COL5A2: variants seen among roughly 807,000 people sequenced by gnomAD.
COL5A2 encodes collagen type V alpha 2 chain.
Under a neutral mutation model 208.2 loss-of-function variants are expected in COL5A2, and 23 were observed. That is an observed-to-expected ratio of 0.11 (90% CI 0.08 to 0.16). COL5A2 has a LOEUF of 0.16. COL5A2 is among the 10% of genes least tolerant of loss of function. The pLI is 1.00. For missense variants in COL5A2, 1,590 were observed against 1,956.4 expected, an observed-to-expected ratio of 0.81 and a Z score of 3.53; for synonymous variants, 625 against 628.5, an observed-to-expected ratio of 0.99 and a Z score of 0.08.
intron 1 of COL5A2, among the ~76,000 whole-genome samples, chr2:189,218,876 C>T (rs1320805811): frequency 6.7e-6 from 1 of 150,100 alleles, no homozygotes; most frequent in East Asian, 1.9e-4. Flanking sequence ...TTGTGGAAAG[C>T]AGAAAAAAAA....
chr2:189,402,328 C>T, the COL5A2 span, among the ~76,000 whole-genome samples: 1 of 152,204 alleles, frequency 6.6e-6, no homozygotes, highest in Non-Finnish European at 1.5e-5. Flanking sequence ...AGTGATTCTC[C>T]TGCCTCAGCC....
intron 6 of COL5A2, among the ~76,000 whole-genome samples, chr2:189,092,963 ATAT>A (rs1559100359): frequency 6.6e-6 from 1 of 152,168 alleles, no homozygotes; most frequent in African/African-American, 2.4e-5. Flanking sequence ...CAATACATGC[ATAT>A]TATATTGTTA....
the COL5A2 span, among the ~76,000 whole-genome samples, chr2:189,291,914 AT>A: frequency 2.6e-5 from 4 of 152,138 alleles, no homozygotes; most frequent in Non-Finnish European, 5.9e-5. Context: ...CTATATGGAT[AT>A]TTTTGGATTT....
At chr2:189,106,603 T>G (rs1687153361) in intron 2 of COL5A2, among the ~76,000 whole-genome samples, 1 of 151,300 alleles carries the variant, frequency 6.6e-6, no homozygotes, top group Non-Finnish European at 1.5e-5. Flanking sequence ...TTTTTTAATG[T>G]CAAATTATTT....
At chr2:189,310,904 A>G in the COL5A2 span, among the ~76,000 whole-genome samples, 2 of 152,184 alleles carry the variant, frequency 1.3e-5, no homozygotes, top group East Asian at 3.8e-4. Flanking sequence ...GATAGGGAGT[A>G]AAAGGATGGT....
chr2:189,322,302 A>C, the COL5A2 span, among the ~76,000 whole-genome samples: 2 of 152,012 alleles, frequency 1.3e-5, no homozygotes, highest in African/African-American at 4.8e-5. Flanking sequence ...TCAAAAGCTA[A>C]CAGAAGGCAA....
At chr2:189,438,284 A>C in the COL5A2 span, among the ~76,000 whole-genome samples, 7 of 152,086 alleles carry the variant, frequency 4.6e-5, no homozygotes, top group African/African-American at 1.7e-4. Flanking sequence ...AAAATAGTAC[A>C]GTAACTCTGG....
the COL5A2 span, among the ~76,000 whole-genome samples, chr2:189,298,899 A>G: frequency 6.6e-6 from 1 of 152,218 alleles, no homozygotes; most frequent in African/African-American, 2.4e-5. Flanking sequence ...GGTTAGTTCC[A>G]TCACTTACTA....
At chr2:189,399,166 A>G in the COL5A2 span, among the ~76,000 whole-genome samples, 2 of 152,060 alleles carry the variant, frequency 1.3e-5, no homozygotes, top group Admixed American at 6.6e-5. Flanking sequence ...TTCTGTGTGA[A>G]GTACTTCATT....
chr2:189,297,281 T>C, the COL5A2 span, among the ~76,000 whole-genome samples: 3 of 152,196 alleles, frequency 2.0e-5, no homozygotes, highest in African/African-American at 4.8e-5. Context: ...TTATTTCTAA[T>C]TTTATTACAT....
chr2:189,268,623 C>A, the COL5A2 span, among the ~76,000 whole-genome samples: 1 of 152,066 alleles, frequency 6.6e-6, no homozygotes, highest in South Asian at 2.1e-4. Context: ...AGACAACATG[C>A]TTTTTCTGGG....
the COL5A2 span, among the ~76,000 whole-genome samples, chr2:189,394,296 A>T: frequency 6.6e-6 from 1 of 152,108 alleles, no homozygotes; most frequent in Non-Finnish European, 1.5e-5. Context: ...GCCTTTTTTA[A>T]ATTTAAATAT....
At chr2:189,186,704 A>C (rs1688857763) in intron 1 of COL5A2, among the ~76,000 whole-genome samples, 1 of 152,222 alleles carries the variant, frequency 6.6e-6, no homozygotes, top group Admixed American at 6.5e-5. Context: ...CTTTTTAAAA[A>C]AATTACAATA....
chr2:189,157,166 T>C (rs1302845048), intron 1 of COL5A2, among the ~76,000 whole-genome samples: 1 of 78,302 alleles, frequency 1.3e-5, no homozygotes, highest in Admixed American at 1.2e-4. Flanking sequence ...GCTAAGCATA[T>C]ATATATCTAT....
Position 189,078,497 on chromosome 2 carries a change from T to C in COL5A2, c.1059+19A>G, listed in dbSNP as rs1686460706. The C allele has an allele frequency of 6.3e-7, 1 of 1,592,976 alleles. No homozygotes were observed. The highest frequency in any genetic ancestry group is 1.7e-5 in the Admixed American group (1 of 59,940). On this transcript the variant is annotated intron_variant, in intron 16 of 53. Transcript: ENST00000374866. ...GAAATACACATCTCAGCAGTATAAG[T>C]AAAAGCAGATATACTTACAGGAGCA...
chr2:189,402,283 T>C, the COL5A2 span, among the ~76,000 whole-genome samples: 1 of 152,224 alleles, frequency 6.6e-6, no homozygotes, highest in Non-Finnish European at 1.5e-5. Flanking sequence ...AGTGGTGCGA[T>C]CTTGGCTCAC....
At chr2:189,198,283 T>C (rs1200554911) in intron 1 of COL5A2, among the ~76,000 whole-genome samples, 1 of 152,174 alleles carries the variant, frequency 6.6e-6, no homozygotes. Flanking sequence ...AGATAAGTAA[T>C]GCGCTGACAA....
At chr2:189,387,454 C>T in the COL5A2 span, among the ~76,000 whole-genome samples, 8 of 152,056 alleles carry the variant, frequency 5.3e-5, no homozygotes, top group East Asian at 1.5e-3. Context: ...CATGTACCCC[C>T]TGATTCTAAA....
chr2:189,097,589 AG>A (rs766989380), intron 5 of COL5A2: 1 of 645,974 alleles, frequency 1.5e-6, no homozygotes, highest in South Asian at 1.5e-5. Context: ...TGAGCTAAAT[AG>A]ATTAGCTTGA....
Sources: gnomAD v4.1 joint callset for allele counts (sites outside exome capture counted in the v4.1 genomes callset) on GRCh38, gnomAD v4.1.1 for gene constraint, MANE v1.5 for transcripts, NCBI Gene and HGNC (gene_info 2026-07-23, HGNC 2026-07-21) for gene names.